The following PUM3 variants were observed in gnomAD, a reference collection of about 807,000 sequenced individuals.
PUM3 encodes the protein pumilio homolog 3.
In PUM3, 91 loss-of-function variants were observed where a neutral mutation model predicts 84.0. The ratio of observed to expected loss-of-function variants is 1.08; its 90% CI spans 0.91 to 1.29. PUM3 has a LOEUF of 1.29. Among genes scored for constraint, PUM3 ranks in the 50% most tolerant of loss-of-function variants. The pLI is 0.00. For missense variants in PUM3, 1,067 were observed against 767.5 expected, an observed-to-expected ratio of 1.39 and a Z score of -4.61; for synonymous variants, 321 against 266.7, an observed-to-expected ratio of 1.20 and a Z score of -1.98.
chr9:2,817,792 C>G (rs1821501588), intron 13 of PUM3, among the ~76,000 whole-genome samples: 1 of 152,120 alleles, frequency 6.6e-6, no homozygotes, highest in Non-Finnish European at 1.5e-5. Flanking sequence ...GCTGGATGTT[C>G]ACTGTATTAT....
intron 12 of PUM3, 126 bp downstream of exon 12, chr9:2,823,655 G>C: frequency 2.1e-6 from 1 of 480,388 alleles, no homozygotes; most frequent in South Asian, 4.7e-5. Flanking sequence ...TAGATGCAAA[G>C]AAAAATATAA....
intron 3 of PUM3, among the ~76,000 whole-genome samples, chr9:2,834,395 A>G (rs1405213632): frequency 2.0e-5 from 3 of 152,340 alleles, no homozygotes; most frequent in Non-Finnish European, 2.9e-5. Context: ...CAGGATACCT[A>G]TTAAGAGAAA....
rs775738730 is a variant in PUM3 at position 2,805,015 on chromosome 9, C to T, written c.1815-552G>A. Among the ~76,000 whole-genome samples the T allele has an allele frequency of 4.6e-5, 7 of 152,324 alleles. No homozygotes were observed. The South Asian group carries it at 1.2e-3, about 27-fold the overall frequency. On this transcript the variant is annotated intron_variant, in intron 17 of 17. Coordinates refer to ENST00000397885, the MANE Select transcript of PUM3 (RefSeq NM_014878.5). ...CGAAGGGCTTCACTGTGGAGCTTCACTGCTTGGGTGGGAAACCTGCCTCTA... is the reference window on the plus strand; with the variant it reads ...CGAAGGGCTTCACTGTGGAGCTTCATTGCTTGGGTGGGAAACCTGCCTCTA...
chr9:2,839,455 T>G (rs1816211817), intron 1 of PUM3, among the ~76,000 whole-genome samples: 1 of 152,236 alleles, frequency 6.6e-6, no homozygotes, highest in Non-Finnish European at 1.5e-5. Context: ...AACAGTAAGT[T>G]AAATGACAAG....
intron 9 of PUM3, among the ~76,000 whole-genome samples, chr9:2,827,768 T>C (rs949533540): frequency 4.6e-5 from 7 of 152,214 alleles, no homozygotes; most frequent in Non-Finnish European, 1.0e-4. Context: ...CAAAGCACTG[T>C]TCTGAGTGTT....
intron 13 of PUM3, among the ~76,000 whole-genome samples, chr9:2,817,925 G>A (rs541519797): frequency 3.9e-5 from 6 of 152,248 alleles, no homozygotes; most frequent in Admixed American, 2.0e-4. Context: ...CTGTCAAACC[G>A]TCTGCATATC....
chr9:2,843,679 C>A (rs900128365), intron 1 of PUM3, among the ~76,000 whole-genome samples: 5 of 150,466 alleles, frequency 3.3e-5, no homozygotes, highest in Admixed American at 6.6e-5. Context: ...CCCGGGTTCA[C>A]GCCATTCTCC....
chr9:2,811,667 C>CT (rs967215801), intron 14 of PUM3, 84 bp from the exon 15 acceptor site: 2 of 922,830 alleles, frequency 2.2e-6, no homozygotes, highest in African/African-American at 3.2e-5. Flanking sequence ...CCTCTAAGAG[C>CT]TTATCACAGA....
intron 12 of PUM3, among the ~76,000 whole-genome samples, chr9:2,821,899 T>C (rs909669305): frequency 2.6e-5 from 4 of 152,138 alleles, no homozygotes; most frequent in African/African-American, 7.2e-5. Flanking sequence ...AATTATGGTA[T>C]AGGCACACGA....
chr9:2,811,335 C>T, intron 15 of PUM3, 26 bp downstream of exon 15: 3 of 1,608,148 alleles, frequency 1.9e-6, no homozygotes, highest in Non-Finnish European at 2.6e-6. Flanking sequence ...TGCAGCTTTC[C>T]TGCCTGTGCT....
intron 3 of PUM3, among the ~76,000 whole-genome samples, chr9:2,836,351 A>G (rs1344875661): frequency 6.6e-6 from 1 of 152,214 alleles, no homozygotes; most frequent in Non-Finnish European, 1.5e-5. Context: ...TGTTGCAAAG[A>G]AAGTAATGAT....
At position 2,831,320 on chromosome 9, in the gene PUM3, G is replaced by C. The variant is rs758022107; in HGVS notation, c.541C>G (p.Arg181Gly). The stretch of plus-strand genomic sequence containing the variant: ...TACTGAATGTAACACTGGATCACAC[G>C]AGTTGAATCGTGTGCAAATGCAATC... ...KTIAFAHDSTRVIQCYIQYGN... is the reference protein window; with the variant it reads ...KTIAFAHDSTGVIQCYIQYGN... The change falls in exon 6 of 18, where the codon CGT (arginine) becomes GGT (glycine). Residue 181 changes from arginine to glycine, a missense_variant. Transcript: ENST00000397885. 4 of 1,607,330 alleles carry C rather than the reference G, an allele frequency of 2.5e-6. No individual in the cohort carries two copies. The highest frequency in any genetic ancestry group is 1.7e-6 in the Non-Finnish European group (2 of 1,177,714).
At chr9:2,842,816 TTA>T (rs1420891872) in intron 1 of PUM3, among the ~76,000 whole-genome samples, 1 of 152,184 alleles carries the variant, frequency 6.6e-6, no homozygotes, top group Non-Finnish European at 1.5e-5. Context: ...ATGTTGTTCT[TTA>T]TGTTATTGTT....
chr9:2,813,193 G>A (rs755218647), intron 13 of PUM3, among the ~76,000 whole-genome samples: 2 of 152,102 alleles, frequency 1.3e-5, no homozygotes, highest in African/African-American at 4.8e-5. Context: ...CTAGTTGTTC[G>A]AATTTAAGGG....
rs7849647 is a variant in PUM3 at position 2,828,548 on chromosome 9, C to T, written c.956+127G>A. On this transcript the variant is annotated intron_variant, in intron 9 of 17. Transcript: ENST00000397885. ...GAATGGTTTCAAACCAACACTTTTG[C>T]ACTCTTATTTAGAATAGATTAATAC... 4.8e-3 allele frequency: 2,899 copies of T among 604,616 alleles called. 78 individuals are homozygous for T. In the African/African-American group the frequency reaches 0.049, roughly 10 times the overall value. The allele number at this position is 604,616 out of a possible 1,614,324, so 37.5% of individuals were successfully genotyped here.
At chr9:2,831,664 C>A (rs1010766215) in intron 5 of PUM3, among the ~76,000 whole-genome samples, 2 of 152,084 alleles carry the variant, frequency 1.3e-5, no homozygotes, top group African/African-American at 2.4e-5. Flanking sequence ...CTTCTCATTT[C>A]TTTGATAAGT....
intron 5 of PUM3, among the ~76,000 whole-genome samples, chr9:2,831,977 G>A (rs1815995194): frequency 6.6e-6 from 1 of 152,112 alleles, no homozygotes; most frequent in Non-Finnish European, 1.5e-5. Flanking sequence ...ACTGTTGGAA[G>A]GACCCACTGA....
chr9:2,833,494 A>C (rs1816040276), intron 4 of PUM3, 62 bp from the exon 5 acceptor site: 1 of 901,414 alleles, frequency 1.1e-6, no homozygotes, highest in Admixed American at 2.3e-5. Context: ...AACACACAAA[A>C]TTAAAAACTG....
At chr9:2,805,398 T>C (rs1230389025) in intron 17 of PUM3, among the ~76,000 whole-genome samples, 4 of 152,194 alleles carry the variant, frequency 2.6e-5, no homozygotes, top group Non-Finnish European at 5.9e-5. Context: ...TGTTCTCTTC[T>C]TTTTCGGGAC....
Sources: gnomAD v4.1 joint callset for allele counts (sites outside exome capture counted in the v4.1 genomes callset) on GRCh38, gnomAD v4.1.1 for gene constraint, MANE v1.5 for transcripts, NCBI Gene and HGNC (gene_info 2026-07-23, HGNC 2026-07-21) for gene names.